SAMD7: variants seen among roughly 807,000 people sequenced by gnomAD.
SAMD7 encodes sterile alpha motif domain containing 7.
Under a neutral mutation model 36.7 loss-of-function variants are expected in SAMD7, and 34 were observed. The observed-to-expected ratio is 0.93, with a 90% confidence interval of 0.71 to 1.23. The LOEUF is 1.23. Among genes scored for constraint, SAMD7 ranks in the 50% most tolerant of loss-of-function variants. The pLI is 0.00. For synonymous variants in SAMD7, 188 were observed against 189.7 expected (o/e 0.99, Z 0.07); for missense variants, 570 against 546.6 (o/e 1.04, Z -0.43).
intron 7 of SAMD7, among the ~76,000 whole-genome samples, chr3:169,929,527 A>G (rs1431550157): frequency 6.6e-6 from 1 of 152,178 alleles, no homozygotes; most frequent in Admixed American, 6.5e-5. Flanking sequence ...GAAAAACTAT[A>G]TAGAGTAGTT....
intron 5 of SAMD7, among the ~76,000 whole-genome samples, chr3:169,925,873 G>C (rs78494907): frequency 6.6e-6 from 1 of 152,108 alleles, no homozygotes; most frequent in Non-Finnish European, 1.5e-5. Context: ...TCAATTTTGC[G>C]CAAAGATAGG....
At chr3:169,935,973 A>G (rs1180012596) in intron 7 of SAMD7, among the ~76,000 whole-genome samples, 1 of 152,216 alleles carries the variant, frequency 6.6e-6, no homozygotes. Flanking sequence ...CTTTACTTAC[A>G]GCATTTACTC....
intron 2 of SAMD7, 150 bp from the exon 3 acceptor site, chr3:169,919,308 T>A: frequency 1.7e-6 from 1 of 600,926 alleles, no homozygotes; most frequent in Non-Finnish European, 3.0e-6. Context: ...TACAATTATA[T>A]CTGGGGTTTT....
chr3:169,926,591 G>A lies in SAMD7; in HGVS notation c.329G>A (p.Arg110Lys). The A allele has an allele frequency of 6.2e-7, 1 of 1,612,882 alleles. No homozygotes were observed. Among genetic ancestry groups the A allele is most frequent in the Non-Finnish European group, 8.5e-7 (1 of 1,179,266 alleles). Residue 110 changes from arginine (R) to lysine (K), a missense_variant, in exon 6 of 9, where the codon AGA (arginine) becomes AAA (lysine). Physicochemically the swap from Arg to Lys is conservative, Grantham distance 26. Transcript: ENST00000335556. ...ATGTATGCTATTTACCAGCAAAGGA[G>A]AATGGAAAAAATTAATCCCAAGGGA... ...MEMYAIYQQRRMEKINPKGLA... is the reference protein window; with the variant it reads ...MEMYAIYQQRKMEKINPKGLA...
chr3:169,932,220 G>C (rs747522657), intron 7 of SAMD7: 1 of 831,094 alleles, frequency 1.2e-6, no homozygotes, highest in Non-Finnish European at 2.0e-6. Context: ...CCCAGTGGGT[G>C]GTTCCCCAGG....
chr3:169,913,913 G>A (rs1712699307), intron 1 of SAMD7, among the ~76,000 whole-genome samples: 1 of 152,186 alleles, frequency 6.6e-6, no homozygotes, highest in Non-Finnish European at 1.5e-5. Flanking sequence ...TGAAGGGAAA[G>A]ATCAGATCAA....
At chr3:169,932,037 G>T in intron 7 of SAMD7, 1 of 657,518 alleles carries the variant, frequency 1.5e-6, no homozygotes, top group Non-Finnish European at 2.4e-6. Context: ...AGCAATTCCT[G>T]TCATCTTTAT....
Position 169,938,421 on chromosome 3 carries a change from A to G in SAMD7, c.1256A>G (p.Asn419Ser), listed in dbSNP as rs1407643026. Residue 419 changes from asparagine (N) to serine (S), a missense_variant, in exon 9 of 9, where the codon AAT (asparagine) becomes AGT (serine). By Grantham distance (46) the Asn-to-Ser change is conservative. Coordinates refer to ENST00000335556, the MANE Select transcript of SAMD7 (RefSeq NM_001304366.2). ...GATACATCCCCTCTTCTGGATCCTA[A>G]TTCCTGGAGTGATACAATGAACATT... The part of the protein sequence containing the change: ...PADTSPLLDP[N>S]SWSDTMNIFC... 6.2e-7 allele frequency: 1 copy of G among 1,611,706 alleles called. No homozygotes were observed.
At chr3:169,914,805 A>C (rs16854604) in intron 1 of SAMD7, among the ~76,000 whole-genome samples, 7,546 of 152,208 alleles carry the variant, frequency 0.05, 597 homozygotes, top group African/African-American at 0.16. Context: ...AGACAATGGA[A>C]CCTACAGAGC....
intron 7 of SAMD7, chr3:169,933,209 G>A: frequency 1.6e-6 from 1 of 642,608 alleles, no homozygotes; most frequent in Admixed American, 2.3e-5. Context: ...TATGGTAGAA[G>A]ACACAATGCC....
intron 1 of SAMD7, among the ~76,000 whole-genome samples, chr3:169,914,585 A>G (rs1327333860): frequency 2.6e-5 from 4 of 152,194 alleles, no homozygotes; most frequent in African/African-American, 9.7e-5. Context: ...TGATTAAAAA[A>G]CAATGAACCA....
At chr3:169,929,586 C>T (rs905827975) in intron 7 of SAMD7, among the ~76,000 whole-genome samples, 5 of 152,128 alleles carry the variant, frequency 3.3e-5, no homozygotes, top group Admixed American at 6.5e-5. Context: ...CAAATCCTGG[C>T]TTTTCTATTT....
Position 169,926,960 on chromosome 3 carries a change from G to A in SAMD7, c.698G>A (p.Ser233Asn), listed in dbSNP as rs1477193877. Reference protein sequence around the residue: ...YAKDPDIEAPSNQKSSETNEK... With the variant: ...YAKDPDIEAPNNQKSSETNEK... Reference sequence around the variant, plus strand: ...AAAGACCCAGACATTGAAGCACCCAGCAACCAGAAGTCAAGTGAAACGAAT... The same window carrying A: ...AAAGACCCAGACATTGAAGCACCCAACAACCAGAAGTCAAGTGAAACGAAT... Residue 233 changes from serine (S) to asparagine (N), a missense_variant, in exon 6 of 9, where the codon AGC (serine) becomes AAC (asparagine). Coordinates refer to ENST00000335556, the MANE Select transcript of SAMD7 (RefSeq NM_001304366.2). The A allele has an allele frequency of 1.9e-6, 3 of 1,613,948 alleles. No individual in the cohort carries two copies. The highest frequency in any genetic ancestry group is 2.5e-6 in the Non-Finnish European group (3 of 1,180,012).
In SAMD7 at chr3:169,934,217, A is replaced by G. The variant is rs111845371; in HGVS notation, c.1042-2122A>G. Among the ~76,000 whole-genome samples the G allele has an allele frequency of 9.9e-3, 1,503 of 152,242 alleles. 23 individuals are homozygous for G. The highest frequency in any genetic ancestry group is 0.034 in the African/African-American group (1,428 of 41,532). On this transcript the variant is annotated intron_variant, in intron 7 of 8. Transcript: ENST00000335556. The stretch of plus-strand genomic sequence containing the variant: ...GTTAGCTTTATATTGCAGAAAGATC[A>G]CTCAGGTTGCTTTTATGAAAATAAG...
chr3:169,933,030 C>T (rs1229391244), intron 7 of SAMD7: 21 of 800,938 alleles, frequency 2.6e-5, no homozygotes, highest in Non-Finnish European at 4.4e-5. Context: ...CTGGAACAGA[C>T]GGAACTACCT....
intron 7 of SAMD7, among the ~76,000 whole-genome samples, chr3:169,930,722 T>A (rs1372959648): frequency 1.3e-5 from 2 of 151,548 alleles, no homozygotes; most frequent in Admixed American, 1.3e-4. Flanking sequence ...GCTGGGACTA[T>A]AGGTGCACAC....
At chr3:169,918,211 G>T (rs7639583) in intron 2 of SAMD7, among the ~76,000 whole-genome samples, 25,110 of 151,016 alleles carry the variant, frequency 0.17, 2,808 homozygotes, top group African/African-American at 0.31. Flanking sequence ...GTGCTGGGAT[G>T]ACAGGCATGA....
Position 169,921,338 on chromosome 3 carries a change from G to A in SAMD7, c.211G>A (p.Gly71Ser). ...ANVLSSRIYP[G>S]WGILPPESIK... is the part of the protein sequence containing the mutation. ...TGTGTTGTCCAGTCGGATCTACCCA[G>A]GTATGAGCAATAGAAGTTTGGCTCT... Residue 71 changes from glycine to serine, a missense_variant and splice_region_variant, in exon 4 of 9, where the codon GGT becomes AGT. By Grantham distance (56) the Gly-to-Ser change is moderately conservative. Transcript: ENST00000335556. 1 of 1,613,484 alleles carries A rather than the reference G, an allele frequency of 6.2e-7. No individual in the cohort carries two copies. Among genetic ancestry groups the A allele is most frequent in the East Asian group, 2.2e-5 (1 of 44,854 alleles).
intron 2 of SAMD7, among the ~76,000 whole-genome samples, chr3:169,916,127 G>C (rs1712788580): frequency 6.6e-6 from 1 of 152,092 alleles, no homozygotes; most frequent in Non-Finnish European, 1.5e-5. Flanking sequence ...ATGCACAATG[G>C]ACGAACCTGA....
Sources: allele counts gnomAD v4.1 joint callset (sites outside exome capture counted in the v4.1 genomes callset), GRCh38; gene constraint gnomAD v4.1.1; transcripts MANE v1.5; gene names NCBI Gene and HGNC (gene_info 2026-07-23, HGNC 2026-07-21).